The following FHIT variants were observed in gnomAD, a reference collection of about 807,000 sequenced individuals.
FHIT encodes the protein bis(5'-adenosyl)-triphosphatase.
FHIT carries 19 observed loss-of-function variants against 17.9 expected under a neutral mutation model. That is an observed-to-expected ratio of 1.06 (90% CI 0.74 to 1.56). The LOEUF (loss-of-function observed/expected upper bound fraction) is 1.56, where lower values mean the gene tolerates loss of function less well. Ranked by LOEUF, FHIT falls within the 40% of genes most tolerant of loss-of-function variation. FHIT has a pLI of 0.00. For missense variants in FHIT, 248 were observed against 189.2 expected, an observed-to-expected ratio of 1.31 and a Z score of -1.82; for synonymous variants, 81 against 69.7, an observed-to-expected ratio of 1.16 and a Z score of -0.81.
intron 4 of FHIT, chr3:60,553,277 T>C: frequency 3.3e-6 from 1 of 306,722 alleles, no homozygotes; most frequent in Non-Finnish European, 4.8e-6. Context: ...TATGGTCAAA[T>C]TGGTTTCATT....
At chr3:60,946,347 A>G (rs1371680046) in intron 3 of FHIT, among the ~76,000 whole-genome samples, 1 of 152,206 alleles carries the variant, frequency 6.6e-6, no homozygotes, top group Non-Finnish European at 1.5e-5. Context: ...ACAATTCTTC[A>G]TCGTGCATAA....
intron 5 of FHIT, among the ~76,000 whole-genome samples, chr3:60,516,574 T>C (rs2035167450): frequency 6.6e-6 from 1 of 152,198 alleles, no homozygotes; most frequent in South Asian, 2.1e-4. Flanking sequence ...AATAGCTGTT[T>C]GGTCTAGATC....
intron 5 of FHIT, among the ~76,000 whole-genome samples, chr3:60,015,024 A>T (rs913684848): frequency 1.4e-4 from 22 of 152,218 alleles, no homozygotes; most frequent in African/African-American, 5.1e-4. Flanking sequence ...ATGTGTATAT[A>T]CACACACTAT....
intron 5 of FHIT, among the ~76,000 whole-genome samples, chr3:60,289,034 T>C (rs75725931): frequency 2.0e-5 from 3 of 152,102 alleles, no homozygotes; most frequent in Non-Finnish European, 4.4e-5. Context: ...AAGATATCAT[T>C]TTTTTAATCC....
intron 5 of FHIT, among the ~76,000 whole-genome samples, chr3:60,196,533 C>T (rs1444905745): frequency 1.3e-5 from 2 of 152,032 alleles, no homozygotes; most frequent in Non-Finnish European, 2.9e-5. Flanking sequence ...CTGCAAAGCC[C>T]ATTTGGTCAT....
chr3:61,206,670 T>C (rs1474123393), intron 1 of FHIT, among the ~76,000 whole-genome samples: 5 of 152,046 alleles, frequency 3.3e-5, no homozygotes, highest in Admixed American at 2.6e-4. Flanking sequence ...ATTGATTTTG[T>C]ATCCTGAGAC....
At chr3:61,172,370 T>C (rs527433140) in intron 2 of FHIT, among the ~76,000 whole-genome samples, 8 of 152,270 alleles carry the variant, frequency 5.3e-5, no homozygotes, top group East Asian at 3.9e-4. Flanking sequence ...TAATGACTTA[T>C]TATTCATGTA....
intron 7 of FHIT, among the ~76,000 whole-genome samples, chr3:59,985,503 T>C (rs570748778): frequency 2.6e-5 from 4 of 152,296 alleles, no homozygotes; most frequent in South Asian, 4.2e-4. Context: ...CAATTTTACA[T>C]TGAATCTTGA....
intron 8 of FHIT, among the ~76,000 whole-genome samples, chr3:59,872,799 G>A (rs1444657652): frequency 6.6e-6 from 1 of 152,146 alleles, no homozygotes; most frequent in African/African-American, 2.4e-5. Flanking sequence ...CTGGGCAAGG[G>A]TCCCACTAAC....
intron 5 of FHIT, among the ~76,000 whole-genome samples, chr3:60,291,232 T>C (rs2106657719): frequency 6.6e-6 from 1 of 152,180 alleles, no homozygotes. Flanking sequence ...GGGGGTTTTA[T>C]AGATACCTGG....
At chr3:61,189,189 G>A (rs2038628746) in intron 2 of FHIT, among the ~76,000 whole-genome samples, 1 of 152,116 alleles carries the variant, frequency 6.6e-6, no homozygotes, top group Admixed American at 6.5e-5. Context: ...AAATCCCAAC[G>A]TCTCAGCCCA....
At chr3:60,639,992 T>C (rs1553684921) in intron 4 of FHIT, among the ~76,000 whole-genome samples, 1 of 152,148 alleles carries the variant, frequency 6.6e-6, no homozygotes, top group Non-Finnish European at 1.5e-5. Flanking sequence ...ACCACTATTC[T>C]CCAAGTCATT....
At chr3:60,892,470 G>T (rs1559806046) in intron 3 of FHIT, among the ~76,000 whole-genome samples, 1 of 151,998 alleles carries the variant, frequency 6.6e-6, no homozygotes, top group Non-Finnish European at 1.5e-5. Context: ...TAATTCCCTT[G>T]TCTTTTGTAA....
intron 5 of FHIT, among the ~76,000 whole-genome samples, chr3:60,320,051 C>T (rs568412941): frequency 1.3e-5 from 2 of 152,282 alleles, no homozygotes; most frequent in African/African-American, 4.8e-5. Context: ...ATTTCTCCCA[C>T]ACAAAATCCC....
At chr3:60,157,310 CT>C (rs1160698612) in intron 5 of FHIT, among the ~76,000 whole-genome samples, 1 of 152,070 alleles carries the variant, frequency 6.6e-6, no homozygotes, top group Non-Finnish European at 1.5e-5. Flanking sequence ...ACATCAAGAG[CT>C]TTTTTTAAAT....
intron 5 of FHIT, among the ~76,000 whole-genome samples, chr3:60,480,260 C>T (rs1290481609): frequency 6.6e-6 from 1 of 152,150 alleles, no homozygotes; most frequent in Non-Finnish European, 1.5e-5. Context: ...GGAAACTGAT[C>T]CAATCACCTC....
At chr3:60,449,521 A>G (rs2031577410) in intron 5 of FHIT, among the ~76,000 whole-genome samples, 1 of 152,058 alleles carries the variant, frequency 6.6e-6, no homozygotes, top group South Asian at 2.1e-4. Flanking sequence ...TTATTGTGCC[A>G]ACATCACAAA....
chr3:60,562,501 G>A (rs983979845), intron 4 of FHIT, among the ~76,000 whole-genome samples: 19 of 152,276 alleles, frequency 1.2e-4, no homozygotes, highest in African/African-American at 3.6e-4. Flanking sequence ...TGTCAGGGTG[G>A]CCAGCTTTTC....
intron 8 of FHIT, among the ~76,000 whole-genome samples, chr3:59,837,762 C>T (rs558093760): frequency 2.0e-5 from 3 of 152,144 alleles, no homozygotes; most frequent in Non-Finnish European, 4.4e-5. Flanking sequence ...GGTTGGAATA[C>T]TGCCTCCAGC....
Sources: gnomAD v4.1 joint callset for allele counts (sites outside exome capture counted in the v4.1 genomes callset) on GRCh38, gnomAD v4.1.1 for gene constraint, MANE v1.5 for transcripts, NCBI Gene and HGNC (gene_info 2026-07-23, HGNC 2026-07-21) for gene names.